Variants in TMEM178A observed in about 807,000 individuals in gnomAD.
TMEM178A encodes the protein transmembrane protein 178A.
A neutral mutation model predicts 29.1 loss-of-function variants in TMEM178A; 12 were observed. That is an observed-to-expected ratio of 0.41 (90% CI 0.26 to 0.67). The LOEUF (loss-of-function observed/expected upper bound fraction) is 0.67, where lower values mean the gene tolerates loss of function less well. TMEM178A is among the 30% of genes least tolerant of loss of function. TMEM178A has a pLI of 0.29. For synonymous variants in TMEM178A, 210 were observed against 187.2 expected (o/e 1.12, Z -0.99); for missense variants, 366 against 419.1 (o/e 0.87, Z 1.11).
intron 1 of TMEM178A, among the ~76,000 whole-genome samples, chr2:39,687,028 C>T (rs992030380): frequency 1.4e-5 from 2 of 140,778 alleles, no homozygotes; most frequent in Non-Finnish European, 3.0e-5. Flanking sequence ...TTATGAGATG[C>T]AGTGAGTAGG....
chr2:39,694,997 T>G (rs1224322812), intron 1 of TMEM178A, among the ~76,000 whole-genome samples: 2 of 152,158 alleles, frequency 1.3e-5, no homozygotes, highest in African/African-American at 4.8e-5. Flanking sequence ...CTGTATTTAG[T>G]TTATTTATTT....
chr2:39,726,515 G>A, the TMEM178A span, among the ~76,000 whole-genome samples: 1 of 152,170 alleles, frequency 6.6e-6, no homozygotes, highest in Admixed American at 6.5e-5. Flanking sequence ...TTCATTCTGA[G>A]TAAGATGGAA....
chr2:39,697,431 C>T (rs1671592113), intron 1 of TMEM178A, among the ~76,000 whole-genome samples: 2 of 152,232 alleles, frequency 1.3e-5, no homozygotes, highest in Non-Finnish European at 2.9e-5. Context: ...AGCTGTCTTT[C>T]ATTCCCACTT....
At chr2:39,707,985 T>C (rs1298027534) in intron 3 of TMEM178A, among the ~76,000 whole-genome samples, 1 of 152,254 alleles carries the variant, frequency 6.6e-6, no homozygotes, top group Non-Finnish European at 1.5e-5. Context: ...GGACTTACTA[T>C]GTACGAGGCA....
chr2:39,694,161 G>GTAATAA (rs66983117), intron 1 of TMEM178A, among the ~76,000 whole-genome samples: 58,342 of 146,500 alleles, frequency 0.4, 12,069 homozygotes, highest in East Asian at 0.69. Flanking sequence ...AGTAGTAGTA[G>GTAATAA]TAATAATAAT....
intron 1 of TMEM178A, chr2:39,698,045 A>G (rs1439159287): frequency 6.6e-6 from 1 of 152,228 alleles, no homozygotes; most frequent in Non-Finnish European, 1.5e-5. Context: ...CCTTCAATTA[A>G]GAATCAGCTT....
intron 2 of TMEM178A, among the ~76,000 whole-genome samples, chr2:39,704,975 G>T (rs1436376143): frequency 6.6e-6 from 1 of 152,172 alleles, no homozygotes; most frequent in Non-Finnish European, 1.5e-5. Context: ...GGATTAAAAG[G>T]CTCTGTTCTG....
At chr2:39,712,696 G>A (rs1463293081) in intron 3 of TMEM178A, among the ~76,000 whole-genome samples, 1 of 151,956 alleles carries the variant, frequency 6.6e-6, no homozygotes, top group Non-Finnish European at 1.5e-5. Context: ...GGGGACACTA[G>A]CTGGCTGAAG....
At chr2:39,725,865 A>G in the TMEM178A span, among the ~76,000 whole-genome samples, 4 of 152,192 alleles carry the variant, frequency 2.6e-5, no homozygotes, top group Admixed American at 6.5e-5. Flanking sequence ...CTCGGCAAAA[A>G]TAGGGACATC....
At chr2:39,705,722 GC>G (rs1217088595) in intron 2 of TMEM178A, among the ~76,000 whole-genome samples, 1 of 152,034 alleles carries the variant, frequency 6.6e-6, no homozygotes, top group African/African-American at 2.4e-5. Flanking sequence ...CCATGAAGCC[GC>G]CCCTAAGCTG....
At chr2:39,726,799 G>C in the TMEM178A span, among the ~76,000 whole-genome samples, 1 of 152,268 alleles carries the variant, frequency 6.6e-6, no homozygotes, top group African/African-American at 2.4e-5. Context: ...TAATGTGTAA[G>C]GGTTGGGGGT....
In TMEM178A at chr2:39,708,567, C is replaced by T. The variant is rs1038998395; in HGVS notation, c.652+1381C>T. On this transcript the variant is annotated intron_variant, in intron 3 of 3. Transcript: ENST00000281961. ...CCGTGTAGCTGGGACTACAGGCGCG[C>T]GCCACCATGCCCGGCTAATTTTTGT... Among the ~76,000 whole-genome samples, 14 of 150,764 alleles carry T rather than the reference C, an allele frequency of 9.3e-5. No individual in the cohort carries two copies. In the East Asian group the frequency reaches 1.4e-3, roughly 15 times the overall value.
rs574493941 is a variant in TMEM178A at position 39,707,249 on chromosome 2, G to A, written c.652+63G>A. 7.3e-5 allele frequency: 110 copies of A among 1,509,870 alleles called. No individual in the cohort carries two copies. The African/African-American group carries it at 1.4e-3, about 20-fold the overall frequency. The allele number at this position is 1,509,870 out of a possible 1,614,324, so 93.5% of individuals were successfully genotyped here. On this transcript the variant is annotated intron_variant, in intron 3 of 3. Transcript: ENST00000281961. ...GTGAAGGCTGCTCTGCATGCGGCTA[G>A]CTAGTGTCGCTTTGTTATCTCCCTG...
Position 39,704,872 on chromosome 2 carries a change from A to G in TMEM178A, c.514+678A>G, listed in dbSNP as rs1572686870. Among the ~76,000 whole-genome samples the G allele has an allele frequency of 3.3e-5, 5 of 152,352 alleles. No homozygotes were observed. In the South Asian group the frequency reaches 6.2e-4, roughly 19 times the overall value. Reference sequence around the variant, plus strand: ...GTTGACATTGTCATTTTCCAATGAAATAAGTAACAAGGACTTCAGGATCTT... The same window carrying G: ...GTTGACATTGTCATTTTCCAATGAAGTAAGTAACAAGGACTTCAGGATCTT... On this transcript the variant is annotated intron_variant, in intron 2 of 3. Transcript: ENST00000281961.
At chr2:39,725,457 A>G in the TMEM178A span, among the ~76,000 whole-genome samples, 1 of 152,200 alleles carries the variant, frequency 6.6e-6, no homozygotes, top group African/African-American at 2.4e-5. Context: ...CAAAGGAAGA[A>G]AAAAATCTTC....
intron 1 of TMEM178A, among the ~76,000 whole-genome samples, chr2:39,701,958 T>G (rs1671800338): frequency 6.6e-6 from 1 of 152,156 alleles, no homozygotes; most frequent in Non-Finnish European, 1.5e-5. Context: ...TTTCCTTTAG[T>G]TATTTGGATA....
the TMEM178A span, among the ~76,000 whole-genome samples, chr2:39,729,757 G>A: frequency 6.6e-6 from 1 of 152,116 alleles, no homozygotes; most frequent in African/African-American, 2.4e-5. Context: ...GGAGTTGAAA[G>A]TCATCCTACT....
chr2:39,695,054 G>C (rs918945565), intron 1 of TMEM178A, among the ~76,000 whole-genome samples: 1 of 152,182 alleles, frequency 6.6e-6, no homozygotes, highest in East Asian at 1.9e-4. Context: ...GATAAGGAAA[G>C]CATTTTTGTC....
chr2:39,715,601 A>G (rs1053975689), intron 3 of TMEM178A, among the ~76,000 whole-genome samples: 2 of 152,238 alleles, frequency 1.3e-5, no homozygotes, highest in African/African-American at 4.8e-5. Context: ...TATCCTTTTT[A>G]GTAAAACAGA....
Sources: gnomAD v4.1 joint callset for allele counts (sites outside exome capture counted in the v4.1 genomes callset) on GRCh38, gnomAD v4.1.1 for gene constraint, MANE v1.5 for transcripts, NCBI Gene and HGNC (gene_info 2026-07-23, HGNC 2026-07-21) for gene names.